SOX5: variants seen among roughly 807,000 people sequenced by gnomAD.
SOX5 encodes SRY-box transcription factor 5.
Under a neutral mutation model 92.0 loss-of-function variants are expected in SOX5, and 9 were observed. That is an observed-to-expected ratio of 0.10 (90% CI 0.06 to 0.17). SOX5 has a LOEUF of 0.17. Among genes scored for constraint, SOX5 ranks in the 10% least tolerant of loss-of-function variants. The pLI is 1.00. For synonymous variants in SOX5, 344 were observed against 336.3 expected, an observed-to-expected ratio of 1.02 and a Z score of -0.25; for missense variants, 642 against 944.5, an observed-to-expected ratio of 0.68 and a Z score of 4.20.
chr12:23,726,414 G>A (rs887453983), intron 6 of SOX5, among the ~76,000 whole-genome samples: 1 of 152,060 alleles, frequency 6.6e-6, no homozygotes, highest in Non-Finnish European at 1.5e-5. Context: ...AAAGACAGGA[G>A]GTAGAAATTC....
intron 9 of SOX5, among the ~76,000 whole-genome samples, chr12:23,591,842 T>A (rs1273870082): frequency 6.6e-6 from 1 of 151,960 alleles, no homozygotes; most frequent in Admixed American, 6.6e-5. Flanking sequence ...CACAACAGTA[T>A]TTTTTTTCTT....
intron 4 of SOX5, among the ~76,000 whole-genome samples, chr12:24,004,919 A>G (rs1320888254): frequency 2.0e-5 from 3 of 152,148 alleles, no homozygotes; most frequent in Admixed American, 6.6e-5. Flanking sequence ...TTAATAAAAT[A>G]TTATTCAGCA....
At chr12:24,398,659 A>G (rs1021320592) in intron 1 of SOX5, among the ~76,000 whole-genome samples, 2 of 152,228 alleles carry the variant, frequency 1.3e-5, no homozygotes, top group Non-Finnish European at 2.9e-5. Flanking sequence ...AGAAAAAAAG[A>G]TGCATTAATA....
intron 4 of SOX5, among the ~76,000 whole-genome samples, chr12:24,065,215 T>G (rs1344263424): frequency 6.6e-6 from 1 of 152,168 alleles, no homozygotes; most frequent in South Asian, 2.1e-4. Flanking sequence ...TCCCATCCCT[T>G]GTCCTCCAGT....
At chr12:24,047,668 T>C (rs559117938) in intron 4 of SOX5, among the ~76,000 whole-genome samples, 1 of 152,324 alleles carries the variant, frequency 6.6e-6, no homozygotes, top group East Asian at 1.9e-4. Context: ...TTTATTTCTT[T>C]ATGCAAATAC....
intron 4 of SOX5, among the ~76,000 whole-genome samples, chr12:23,961,599 T>C (rs1168104036): frequency 1.3e-5 from 2 of 152,184 alleles, no homozygotes; most frequent in Non-Finnish European, 2.9e-5. Flanking sequence ...TCACCCCCTA[T>C]TGGAATCTTA....
chr12:24,269,096 T>C (rs1209613565), intron 3 of SOX5, among the ~76,000 whole-genome samples: 1 of 152,224 alleles, frequency 6.6e-6, no homozygotes, highest in Non-Finnish European at 1.5e-5. Flanking sequence ...AGAACTCACT[T>C]GACAATTTAC....
intron 4 of SOX5, among the ~76,000 whole-genome samples, chr12:24,027,628 C>T (rs16926996): frequency 0.033 from 5,053 of 151,938 alleles, 301 homozygotes; most frequent in African/African-American, 0.12. Context: ...TGTGTTCTTT[C>T]GTTGAAGGTT....
At chr12:23,591,982 T>C (rs1391597676) in intron 9 of SOX5, among the ~76,000 whole-genome samples, 2 of 152,086 alleles carry the variant, frequency 1.3e-5, no homozygotes, top group African/African-American at 4.8e-5. Flanking sequence ...GTCATCAAAA[T>C]TGTAAAGCAA....
chr12:23,700,197 C>T (rs1313614217), intron 6 of SOX5, among the ~76,000 whole-genome samples: 2 of 150,270 alleles, frequency 1.3e-5, no homozygotes, highest in African/African-American at 4.9e-5. Context: ...ATATCTCTAA[C>T]TTTTTTTTTT....
intron 1 of SOX5, among the ~76,000 whole-genome samples, chr12:24,422,562 C>G (rs1966096717): frequency 6.6e-6 from 1 of 152,298 alleles, no homozygotes; most frequent in Admixed American, 6.5e-5. Flanking sequence ...TTAGGGTTGT[C>G]TGCACAGTTT....
intron 4 of SOX5, among the ~76,000 whole-genome samples, chr12:24,125,744 G>T (rs1411375041): frequency 6.6e-6 from 1 of 152,090 alleles, no homozygotes. Context: ...AAACCTAAAA[G>T]AAAACAAAAA....
At chr12:24,048,713 G>A (rs1179663712) in intron 4 of SOX5, among the ~76,000 whole-genome samples, 2 of 152,128 alleles carry the variant, frequency 1.3e-5, no homozygotes, top group Non-Finnish European at 2.9e-5. Context: ...ACCACAGGAC[G>A]AACGAAGCTT....
At chr12:23,576,665 A>T (rs1949152765) in intron 9 of SOX5, among the ~76,000 whole-genome samples, 1 of 152,148 alleles carries the variant, frequency 6.6e-6, no homozygotes, top group African/African-American at 2.4e-5. Context: ...CTCAATTTTA[A>T]ATCGTTCTCT....
At chr12:23,869,289 C>G (rs2096848094) in intron 2 of SOX5, among the ~76,000 whole-genome samples, 1 of 152,134 alleles carries the variant, frequency 6.6e-6, no homozygotes, top group African/African-American at 2.4e-5. Flanking sequence ...AAATGTAGTG[C>G]AGGTTATATG....
intron 2 of SOX5, among the ~76,000 whole-genome samples, chr12:24,348,280 T>C (rs1055806415): frequency 6.6e-6 from 1 of 152,082 alleles, no homozygotes; most frequent in African/African-American, 2.4e-5. Context: ...AATTCTTGTA[T>C]GTCTACTGGT....
chr12:24,041,602 T>C (rs2136999606), intron 4 of SOX5, among the ~76,000 whole-genome samples: 1 of 152,324 alleles, frequency 6.6e-6, no homozygotes, highest in Non-Finnish European at 1.5e-5. Flanking sequence ...TCTTGAGAAT[T>C]GATAACTGCA....
At chr12:24,163,799 GTCTC>G (rs921868437) in intron 4 of SOX5, among the ~76,000 whole-genome samples, 19 of 151,618 alleles carry the variant, frequency 1.3e-4, no homozygotes, top group Admixed American at 7.2e-4. Context: ...ATATGTATGG[GTCTC>G]TCTCTCTCTT....
chr12:24,013,124 G>T (rs1008233670), intron 4 of SOX5, among the ~76,000 whole-genome samples: 1 of 152,042 alleles, frequency 6.6e-6, no homozygotes, highest in Non-Finnish European at 1.5e-5. Context: ...CCTTTATAAA[G>T]AGATGAGTTT....
Sources: allele counts gnomAD v4.1 joint callset (sites outside exome capture counted in the v4.1 genomes callset), GRCh38; gene constraint gnomAD v4.1.1; transcripts MANE v1.5; gene names NCBI Gene and HGNC (gene_info 2026-07-23, HGNC 2026-07-21).